HTR2B: variants seen among roughly 807,000 people sequenced by gnomAD.
HTR2B encodes the protein 5-hydroxytryptamine receptor 2B.
HTR2B carries 31 observed loss-of-function variants against 39.8 expected under a neutral mutation model. The ratio of observed to expected loss-of-function variants is 0.78; its 90% CI spans 0.58 to 1.05. The LOEUF is 1.05. Among genes scored for constraint, HTR2B ranks in the 50% least tolerant of loss-of-function variants. The probability of loss-of-function intolerance (pLI) is 0.00; values close to 1 mark genes in which losing one functional copy is unlikely to be tolerated. For synonymous variants in HTR2B, 210 were observed against 207.1 expected (o/e 1.01, Z -0.12); for missense variants, 562 against 578.0 (o/e 0.97, Z 0.28).
chr2:231,112,554 C>T (rs1023496875), intron 3 of HTR2B, among the ~76,000 whole-genome samples: 2 of 152,160 alleles, frequency 1.3e-5, no homozygotes, highest in South Asian at 2.1e-4. Context: ...GCCCCAGTGC[C>T]CCTACTCAGA....
At chr2:231,115,559 A>G (rs1176754441) in intron 2 of HTR2B, among the ~76,000 whole-genome samples, 1 of 152,146 alleles carries the variant, frequency 6.6e-6, no homozygotes, top group Non-Finnish European at 1.5e-5. Context: ...TTTTCAGTGT[A>G]TTACTGTAAA....
intron 2 of HTR2B, among the ~76,000 whole-genome samples, chr2:231,118,870 C>T (rs1695436375): frequency 6.6e-6 from 1 of 152,180 alleles, no homozygotes; most frequent in Non-Finnish European, 1.5e-5. Context: ...AGTTCATGAA[C>T]TTATTGCAGC....
intron 3 of HTR2B, among the ~76,000 whole-genome samples, chr2:231,110,058 C>T (rs1349248605): frequency 3.3e-5 from 5 of 152,186 alleles, no homozygotes; most frequent in Non-Finnish European, 7.3e-5. Flanking sequence ...GGCGCTCATG[C>T]CTGTAATTCC....
At position 231,123,871 on chromosome 2, in the gene HTR2B, A is replaced by C. The variant is rs1457619354; in HGVS notation, c.-107T>G. The C allele has an allele frequency of 2.2e-6, 2 of 907,428 alleles. No individual in the cohort carries two copies. Among genetic ancestry groups the C allele is most frequent in the African/African-American group, 1.6e-5 (1 of 60,800 alleles). 56.2% of individuals were successfully genotyped at this position (907,428 alleles called of 1,614,324 possible). A position where few individuals can be genotyped will look rare whatever the true frequency, so the allele number is the denominator to read the frequency against. On this transcript the variant is annotated 5_prime_UTR_variant, in exon 2 of 4. It removes the in-frame stop codon of an upstream open reading frame in the 5' UTR. Coordinates refer to ENST00000258400, the MANE Select transcript of HTR2B (RefSeq NM_000867.5). ...GGCATTGTAACCATGCCAAACACTC[A>C]AAAGCCAAAGTTGACACCTTCCTTT...
At chr2:231,120,744 A>G (rs1695511420) in intron 2 of HTR2B, among the ~76,000 whole-genome samples, 1 of 152,158 alleles carries the variant, frequency 6.6e-6, no homozygotes, top group Non-Finnish European at 1.5e-5. Flanking sequence ...CTTTCATTGA[A>G]TTCCCCTGCG....
chr2:231,123,159 A>G (rs1221870603), intron 2 of HTR2B, among the ~76,000 whole-genome samples: 1 of 152,150 alleles, frequency 6.6e-6, no homozygotes, highest in Non-Finnish European at 1.5e-5. Flanking sequence ...ACTAACTTGA[A>G]TGACTTTTTA....
intron 2 of HTR2B, among the ~76,000 whole-genome samples, chr2:231,116,193 G>C (rs931632764): frequency 6.6e-6 from 1 of 152,122 alleles, no homozygotes; most frequent in African/African-American, 2.4e-5. Context: ...CAGCTTCAAA[G>C]CGAACTAACA....
rs1472704482 is a variant in HTR2B, at chr2:231,108,852, CAT to C, written c.1109_1110del (p.Tyr370CysfsTer15). On this transcript the variant is annotated frameshift_variant, in exon 4 of 4. Coordinates refer to ENST00000258400, the MANE Select transcript of HTR2B (RefSeq NM_000867.5). LOFTEE classifies it high-confidence loss of function. ...MLLEIFVWIG[Y>X]VSSGVNPLVY... Reference sequence around the variant, plus strand: ...ACCAAAGGATTCACTCCTGAGGAAACATAGCCTATCCACACAAATATCTCCAG... The same window carrying C: ...ACCAAAGGATTCACTCCTGAGGAAACAGCCTATCCACACAAATATCTCCAG... The C allele has an allele frequency of 1.2e-6, 2 of 1,614,040 alleles. No homozygotes were observed. Among genetic ancestry groups the C allele is most frequent in the South Asian group, 1.1e-5 (1 of 91,074 alleles).
At chr2:231,117,307 A>T (rs1695376567) in intron 2 of HTR2B, among the ~76,000 whole-genome samples, 1 of 152,104 alleles carries the variant, frequency 6.6e-6, no homozygotes, top group South Asian at 2.1e-4. Context: ...AGACATTGAA[A>T]ATTTGAAATA....
chr2:231,111,866 TTAGTG>T lies in HTR2B; in HGVS notation c.553+1858_553+1862del, dbSNP rs1207563886. Among the ~76,000 whole-genome samples the T allele has an allele frequency of 3.3e-5, 5 of 152,332 alleles. No homozygotes were observed. In the East Asian group the frequency reaches 5.8e-4, roughly 18 times the overall value. ...CTCCTGCATCACTCATCACTTTGTG[TTAGTG>T]TAATTTGTTTATATGTCCGCCTTTC... is the stretch of plus-strand genomic sequence containing the variant. On this transcript the variant is annotated intron_variant, in intron 3 of 3. Transcript: ENST00000258400.
intron 3 of HTR2B, 148 bp from the exon 4 acceptor site, chr2:231,109,557 C>G: frequency 1.4e-6 from 1 of 696,546 alleles, no homozygotes; most frequent in Non-Finnish European, 2.4e-6. Flanking sequence ...TCGAAGCATT[C>G]ATCAGTGAAG....
At chr2:231,111,615 AT>A (rs749673176) in intron 3 of HTR2B, among the ~76,000 whole-genome samples, 2 of 152,184 alleles carry the variant, frequency 1.3e-5, no homozygotes, top group Non-Finnish European at 2.9e-5. Context: ...AACTGAGCTT[AT>A]TGTCATCTGC....
At chr2:231,116,913 T>C (rs1695357549) in intron 2 of HTR2B, among the ~76,000 whole-genome samples, 1 of 151,972 alleles carries the variant, frequency 6.6e-6, no homozygotes, top group Non-Finnish European at 1.5e-5. Flanking sequence ...ATGAAACTAA[T>C]ATAAAAGAAA....
intron 2 of HTR2B, among the ~76,000 whole-genome samples, chr2:231,121,738 G>A (rs999740004): frequency 1.3e-5 from 2 of 152,056 alleles, no homozygotes; most frequent in Non-Finnish European, 2.9e-5. Context: ...ATGGTACTTT[G>A]CATATAATAG....
chr2:231,122,664 A>G (rs1195868905), intron 2 of HTR2B, among the ~76,000 whole-genome samples: 4 of 152,142 alleles, frequency 2.6e-5, no homozygotes, highest in Admixed American at 1.3e-4. Flanking sequence ...AACTACTTAT[A>G]TCTTTTTTTT....
At chr2:231,110,680 GAA>G (rs1695128460) in intron 3 of HTR2B, among the ~76,000 whole-genome samples, 1 of 152,160 alleles carries the variant, frequency 6.6e-6, no homozygotes, top group African/African-American at 2.4e-5. Flanking sequence ...TACACCACCA[GAA>G]AGAGGATTCT....
At chr2:231,116,636 A>T (rs1559237472) in intron 2 of HTR2B, among the ~76,000 whole-genome samples, 2 of 150,318 alleles carry the variant, frequency 1.3e-5, no homozygotes, top group East Asian at 3.8e-4. Context: ...TTGTGGGCTA[A>T]GAAGGAAAGT....
At position 231,122,748 on chromosome 2, in the gene HTR2B, C is replaced by G. The variant is rs965287192; in HGVS notation, c.352+665G>C. On this transcript the variant is annotated intron_variant, in intron 2 of 3. Transcript: ENST00000258400. ...CAATAACTAGGTTTTAATCCACTTA[C>G]CAACTTAGAGGCCTATCAGGAACAC... Among the ~76,000 whole-genome samples the G allele has an allele frequency of 5.3e-5, 8 of 152,144 alleles. No homozygotes were observed. The East Asian group carries it at 1.5e-3, about 29-fold the overall frequency.
intron 2 of HTR2B, among the ~76,000 whole-genome samples, chr2:231,117,114 G>C (rs1226158721): frequency 6.6e-6 from 1 of 151,958 alleles, no homozygotes; most frequent in Middle Eastern, 3.2e-3. Context: ...TTTTTAGTTA[G>C]TATTAATTTA....
Sources: allele counts gnomAD v4.1 joint callset (sites outside exome capture counted in the v4.1 genomes callset), GRCh38; gene constraint gnomAD v4.1.1; transcripts MANE v1.5; gene names NCBI Gene and HGNC (gene_info 2026-07-23, HGNC 2026-07-21).